The following FMO1 variants were observed in gnomAD, a reference collection of about 807,000 sequenced individuals.
The protein encoded by FMO1 is flavin containing dimethylaniline monoxygenase 1.
FMO1 carries 36 observed loss-of-function variants against 45.4 expected under a neutral mutation model. That is an observed-to-expected ratio of 0.79 (90% CI 0.61 to 1.05). The LOEUF (loss-of-function observed/expected upper bound fraction) is 1.05, where lower values mean the gene tolerates loss of function less well. FMO1 is among the 50% of genes least tolerant of loss of function. The probability of loss-of-function intolerance (pLI) is 0.00; values close to 1 mark genes in which losing one functional copy is unlikely to be tolerated. For synonymous variants in FMO1, 228 were observed against 227.2 expected, an observed-to-expected ratio of 1.00 and a Z score of -0.03; for missense variants, 615 against 640.3, an observed-to-expected ratio of 0.96 and a Z score of 0.43.
At chr1:171,253,675 C>G (rs28384830) in intron 1 of FMO1, among the ~76,000 whole-genome samples, 1 of 151,946 alleles carries the variant, frequency 6.6e-6, no homozygotes, top group African/African-American at 2.4e-5. Flanking sequence ...GCAGGAGAAT[C>G]GCTCGAACCC....
chr1:171,260,118 C>T (rs1236161685), intron 2 of FMO1, among the ~76,000 whole-genome samples: 1 of 152,042 alleles, frequency 6.6e-6, no homozygotes, highest in Non-Finnish European at 1.5e-5. Context: ...TGGGCATATT[C>T]AGAAAGTAAA....
intron 3 of FMO1, among the ~76,000 whole-genome samples, chr1:171,274,517 T>C (rs1558013921): frequency 6.6e-6 from 1 of 152,218 alleles, no homozygotes; most frequent in East Asian, 1.9e-4. Flanking sequence ...AAATCTATTT[T>C]GAAAGATTTT....
intron 2 of FMO1, among the ~76,000 whole-genome samples, chr1:171,264,428 A>G (rs908821064): frequency 6.6e-6 from 1 of 151,170 alleles, no homozygotes. Context: ...TAAATAAAAT[A>G]TACTCTTAAA....
chr1:171,259,723 T>C (rs908422158), intron 2 of FMO1, among the ~76,000 whole-genome samples: 10 of 152,176 alleles, frequency 6.6e-5, no homozygotes, highest in Non-Finnish European at 1.2e-4. Flanking sequence ...CTTGTATAGG[T>C]CACAGGCACC....
At chr1:171,265,743 T>TA (rs1660592928) in intron 2 of FMO1, among the ~76,000 whole-genome samples, 1 of 152,234 alleles carries the variant, frequency 6.6e-6, no homozygotes, top group Non-Finnish European at 1.5e-5. Flanking sequence ...AGGTTTTTAA[T>TA]ATGACAATTA....
At position 171,285,692 on chromosome 1, in the gene FMO1, A is replaced by G. The variant is rs2101852339; in HGVS notation, c.*148A>G. 2 of 440,672 alleles carry G rather than the reference A, an allele frequency of 4.5e-6. No homozygotes were observed. Among genetic ancestry groups the G allele is most frequent in the Non-Finnish European group, 7.8e-6 (2 of 255,496 alleles). The allele number at this position is 440,672 out of a possible 1,614,324, so 27.3% of individuals were successfully genotyped here. A position where few individuals can be genotyped will look rare whatever the true frequency, so the allele number is the denominator to read the frequency against. On this transcript the variant is annotated 3_prime_UTR_variant, in exon 9 of 9. Coordinates refer to ENST00000617670, the MANE Select transcript of FMO1 (RefSeq NM_001282693.2). Reference sequence around the variant, plus strand: ...TTCCCTGGCTGGCCCCAGGGCTACCACTGGTATTCCTGAGCCTCTCCCAGC... The same window carrying G: ...TTCCCTGGCTGGCCCCAGGGCTACCGCTGGTATTCCTGAGCCTCTCCCAGC...
chr1:171,278,549 C>T (rs936010373), intron 4 of FMO1, among the ~76,000 whole-genome samples, 180 bp from the exon 5 acceptor site: 1 of 152,092 alleles, frequency 6.6e-6, no homozygotes, highest in Non-Finnish European at 1.5e-5. Flanking sequence ...AATAACCCCC[C>T]TTAAATAATT....
chr1:171,268,484 C>G (rs565742493), intron 3 of FMO1, among the ~76,000 whole-genome samples: 1 of 152,320 alleles, frequency 6.6e-6, no homozygotes, highest in East Asian at 1.9e-4. Context: ...TCTAGATATT[C>G]TTGAGAATAG....
intron 4 of FMO1, 29 bp downstream of exon 4, chr1:171,275,537 G>T: frequency 6.4e-7 from 1 of 1,558,170 alleles, no homozygotes; most frequent in South Asian, 1.1e-5. Context: ...CTAACTTTAA[G>T]TTTTCTCGTG....
At chr1:171,258,814 A>G (rs946355672) in intron 2 of FMO1, among the ~76,000 whole-genome samples, 2 of 152,086 alleles carry the variant, frequency 1.3e-5, no homozygotes, top group Admixed American at 6.5e-5. Context: ...CTCAAGTCTC[A>G]GCAGGGTTAC....
chr1:171,277,731 G>A (rs1268642969), intron 4 of FMO1, among the ~76,000 whole-genome samples: 1 of 152,126 alleles, frequency 6.6e-6, no homozygotes, highest in South Asian at 2.1e-4. Flanking sequence ...GTAAATATTG[G>A]AACTTGGTTG....
intron 6 of FMO1, 55 bp from the exon 7 acceptor site, chr1:171,281,923 G>C (rs1286842358): frequency 2.0e-6 from 2 of 1,021,022 alleles, no homozygotes; most frequent in Non-Finnish European, 2.9e-6. Flanking sequence ...AGAGAAGGGA[G>C]AGCTGGCTGA....
intron 1 of FMO1, among the ~76,000 whole-genome samples, chr1:171,257,270 G>A (rs6670639): frequency 0.23 from 35,538 of 151,936 alleles, 6,065 homozygotes; most frequent in African/African-American, 0.48. Context: ...AATGCACTCT[G>A]TTGCCTCTCG....
chr1:171,277,105 T>C (rs1001927901), intron 4 of FMO1, among the ~76,000 whole-genome samples: 1 of 152,198 alleles, frequency 6.6e-6, no homozygotes, highest in African/African-American at 2.4e-5. Context: ...CCTGGCTAAA[T>C]GATTAAGGAG....
Position 171,258,219 on chromosome 1 carries a change from C to G in FMO1, c.132C>G (p.Thr44=). 1 of 1,613,922 alleles carries G rather than the reference C, an allele frequency of 6.2e-7. No individual in the cohort carries two copies. The highest frequency in any genetic ancestry group is 8.5e-7 in the Non-Finnish European group (1 of 1,179,892). Residue 44 remains threonine (T), a splice_region_variant and synonymous_variant, in exon 2 of 9, where the codon ACC becomes ACG. Coordinates refer to ENST00000617670, the MANE Select transcript of FMO1 (RefSeq NM_001282693.2). ...ACCTTGGGGGGCTGTGGAGATTCAC[C>G]GTAAGTGGGGTTTCAACAACTTTAT... ...SDDLGGLWRF[T]EHVEEGRASL... is the part of the protein sequence containing the mutation.
chr1:171,278,761 A>T lies in FMO1; in HGVS notation c.517A>T (p.Ser173Cys). The T allele has an allele frequency of 6.2e-7, 1 of 1,610,346 alleles. No homozygotes were observed. Among genetic ancestry groups the T allele is most frequent in the Non-Finnish European group, 8.5e-7 (1 of 1,177,170 alleles). ...INAFKGQYFH[S>C]RQYKHPDIFK... ...TGCCTTTAAAGGCCAGTACTTTCAT[A>T]GCCGGCAATATAAGCATCCAGATAT... The change falls in exon 5 of 9, where the codon AGC (serine) becomes TGC (cysteine). Residue 173 changes from serine to cysteine, a missense_variant. Physicochemically the swap from Ser to Cys is moderately radical, Grantham distance 112 (BLOSUM62 -1). Transcript: ENST00000617670.
intron 2 of FMO1, among the ~76,000 whole-genome samples, chr1:171,265,996 T>A (rs1237069363): frequency 2.6e-5 from 4 of 152,268 alleles, no homozygotes; most frequent in African/African-American, 4.8e-5. Flanking sequence ...TACATTTTTT[T>A]AATGTATCTT....
At chr1:171,276,621 A>G (rs1028917217) in intron 4 of FMO1, among the ~76,000 whole-genome samples, 1 of 152,216 alleles carries the variant, frequency 6.6e-6, no homozygotes, top group African/African-American at 2.4e-5. Flanking sequence ...CACTTACAGT[A>G]TATTGCACTA....
intron 7 of FMO1, 31 bp from the exon 8 acceptor site, chr1:171,283,113 T>G (rs571381164): frequency 5.8e-5 from 69 of 1,183,346 alleles, no homozygotes; most frequent in South Asian, 5.2e-4. Flanking sequence ...AAACTTAAGT[T>G]GCATTTGAGG....
Sources: allele counts gnomAD v4.1 joint callset (sites outside exome capture counted in the v4.1 genomes callset), GRCh38; gene constraint gnomAD v4.1.1; transcripts MANE v1.5; gene names NCBI Gene and HGNC (gene_info 2026-07-23, HGNC 2026-07-21).